Variants in MMP16 observed in about 807,000 individuals in gnomAD.
MMP16 encodes matrix metallopeptidase 16.
A neutral mutation model predicts 67.8 loss-of-function variants in MMP16; 12 were observed. The ratio of observed to expected loss-of-function variants is 0.18; its 90% confidence interval spans 0.11 to 0.29. The LOEUF (loss-of-function observed/expected upper bound fraction) is 0.29, where lower values mean the gene tolerates loss of function less well. MMP16 is among the 10% of genes least tolerant of loss of function. MMP16 has a pLI of 1.00. For missense variants in MMP16, 475 were observed against 765.7 expected (o/e 0.62, Z 4.48); for synonymous variants, 249 against 255.9 (o/e 0.97, Z 0.26).
At position 88,116,719 on chromosome 8, in the gene MMP16, CT is replaced by C. The variant is rs768203364; in HGVS notation, c.872-2del. 6.2e-7 allele frequency: 1 copy of C among 1,612,670 alleles called. No homozygotes were observed. The highest frequency in any genetic ancestry group is 1.3e-5 in the African/African-American group (1 of 74,746). On this transcript the variant is annotated splice_acceptor_variant, in intron 5 of 9. Transcript: ENST00000286614. LOFTEE classifies it high-confidence loss of function. ...GGTGGAGGAATCTTGTCAGGTGGAC[CT>C]TTTGAAAATATGAGGACAGTGCTTG...
chr8:88,223,908 T>C (rs755000051), intron 1 of MMP16, among the ~76,000 whole-genome samples: 2 of 152,002 alleles, frequency 1.3e-5, no homozygotes, highest in African/African-American at 2.4e-5. Context: ...GAGAGTTTCA[T>C]AGCTAAAATA....
At chr8:88,255,053 G>A (rs1395425035) in intron 1 of MMP16, among the ~76,000 whole-genome samples, 4 of 152,146 alleles carry the variant, frequency 2.6e-5, no homozygotes, top group Admixed American at 6.5e-5. Context: ...CGGTGATTTG[G>A]CTTGGATATC....
intron 4 of MMP16, among the ~76,000 whole-genome samples, chr8:88,142,910 C>A (rs1808235449): frequency 6.6e-6 from 1 of 152,090 alleles, no homozygotes; most frequent in African/African-American, 2.4e-5. Context: ...GATGTGATAT[C>A]AGCATTGAGA....
At chr8:88,052,686 T>C (rs1808285710) in intron 8 of MMP16, among the ~76,000 whole-genome samples, 1 of 152,222 alleles carries the variant, frequency 6.6e-6, no homozygotes, top group Non-Finnish European at 1.5e-5. Flanking sequence ...TTCCACCACT[T>C]AACCATTATG....
intron 6 of MMP16, among the ~76,000 whole-genome samples, chr8:88,085,582 T>C (rs1055229927): frequency 1.3e-5 from 2 of 152,156 alleles, no homozygotes; most frequent in Middle Eastern, 3.4e-3. Context: ...TAGACTTTAT[T>C]ATAGTAGAGG....
intron 1 of MMP16, among the ~76,000 whole-genome samples, chr8:88,264,001 T>C (rs1810432437): frequency 6.8e-6 from 1 of 147,456 alleles, no homozygotes; most frequent in African/African-American, 2.5e-5. Context: ...TGTGTGTGTG[T>C]GTGTGTGTGC....
intron 7 of MMP16, among the ~76,000 whole-genome samples, chr8:88,065,659 C>T (rs1004959225): frequency 6.6e-6 from 1 of 151,890 alleles, no homozygotes; most frequent in African/African-American, 2.4e-5. Flanking sequence ...ATTGTACTCA[C>T]CTATTTATAG....
chr8:88,222,660 G>A (rs532035667), intron 1 of MMP16, among the ~76,000 whole-genome samples: 2 of 152,118 alleles, frequency 1.3e-5, no homozygotes, highest in Non-Finnish European at 2.9e-5. Flanking sequence ...AGCTAAAACT[G>A]GATCCCTTCC....
At chr8:88,192,728 T>G (rs1040407156) in intron 2 of MMP16, among the ~76,000 whole-genome samples, 19 of 152,208 alleles carry the variant, frequency 1.2e-4, no homozygotes, top group African/African-American at 4.3e-4. Flanking sequence ...TTGGTACATC[T>G]AAATAAGTAT....
chr8:88,324,429 A>AT (rs1811507270), intron 1 of MMP16, among the ~76,000 whole-genome samples: 1 of 152,146 alleles, frequency 6.6e-6, no homozygotes, highest in Admixed American at 6.5e-5. Context: ...AATCACAGAG[A>AT]TAAAAAAGAA....
At chr8:88,204,853 G>A (rs1209034072) in intron 1 of MMP16, among the ~76,000 whole-genome samples, 1 of 152,160 alleles carries the variant, frequency 6.6e-6, no homozygotes, top group Admixed American at 6.5e-5. Flanking sequence ...ATTCTATTCT[G>A]ACTATGACAA....
intron 8 of MMP16, among the ~76,000 whole-genome samples, chr8:88,051,114 A>G (rs1271134780): frequency 6.6e-6 from 1 of 152,294 alleles, no homozygotes; most frequent in East Asian, 1.9e-4. Flanking sequence ...ATTTCCAGTA[A>G]ACTAGAATGC....
chr8:88,157,730 G>C (rs1477766377), intron 4 of MMP16, among the ~76,000 whole-genome samples: 1 of 152,004 alleles, frequency 6.6e-6, no homozygotes, highest in East Asian at 1.9e-4. Context: ...GTGCAGGTTT[G>C]TTACATAGGT....
At chr8:88,295,028 A>G (rs959597200) in intron 1 of MMP16, among the ~76,000 whole-genome samples, 20 of 152,184 alleles carry the variant, frequency 1.3e-4, no homozygotes, top group African/African-American at 4.6e-4. Flanking sequence ...CTGACATTTC[A>G]ATATTAGCAA....
In MMP16 at chr8:88,056,116, G is replaced by A; in HGVS notation, c.1373+12C>T. The A allele has an allele frequency of 6.6e-7, 1 of 1,509,462 alleles. No homozygotes were observed. The allele number at this position is 1,509,462 out of a possible 1,614,324, so 93.5% of individuals were successfully genotyped here. The stretch of plus-strand genomic sequence containing the variant: ...TAATTAACTGTTTTTCTCATGAGAA[G>A]TGTATACTGACCTGTCTCCCTTGAA... On this transcript the variant is annotated intron_variant, in intron 8 of 9. Transcript: ENST00000286614.
intron 4 of MMP16, among the ~76,000 whole-genome samples, chr8:88,153,417 A>C (rs978108385): frequency 2.0e-4 from 31 of 152,334 alleles, no homozygotes; most frequent in Non-Finnish European, 2.4e-4. Flanking sequence ...AGTCAACCCT[A>C]AGCCAAAAGA....
In MMP16 at chr8:88,186,600, TGCAA is replaced by T; in HGVS notation, c.282-6_282-3del. On this transcript the variant is annotated splice_region_variant and splice_polypyrimidine_tract_variant and intron_variant, in intron 2 of 9. Transcript: ENST00000286614. ...CCGCATCGGGGCTTCTTCATCCAGC[TGCAA>T]AAAAAAAAAAAAAAAAAAAAAAGCA... 1 of 1,178,786 alleles carries T rather than the reference TGCAA, an allele frequency of 8.5e-7. No individual in the cohort carries two copies. The highest frequency in any genetic ancestry group is 1.8e-5 in the South Asian group (1 of 55,566). The allele number at this position is 1,178,786 out of a possible 1,614,324, so 73.0% of individuals were successfully genotyped here.
At chr8:88,166,696 T>TAC (rs1808717871) in intron 4 of MMP16, among the ~76,000 whole-genome samples, 2 of 83,816 alleles carry the variant, frequency 2.4e-5, no homozygotes, top group Admixed American at 1.1e-4. Flanking sequence ...TACATATATA[T>TAC]ATATATATAT....
At chr8:88,252,417 A>T (rs1810239847) in intron 1 of MMP16, among the ~76,000 whole-genome samples, 1 of 152,064 alleles carries the variant, frequency 6.6e-6, no homozygotes. Context: ...AAATATTTTC[A>T]TTATTGCCTA....
Sources: allele counts gnomAD v4.1 joint callset (sites outside exome capture counted in the v4.1 genomes callset), GRCh38; gene constraint gnomAD v4.1.1; transcripts MANE v1.5; gene names NCBI Gene and HGNC (gene_info 2026-07-23, HGNC 2026-07-21).